The following CUL7 variants were observed in gnomAD, a reference collection of about 807,000 sequenced individuals.
CUL7 encodes cullin-7.
CUL7 carries 96 observed loss-of-function variants against 177.7 expected under a neutral mutation model. The ratio of observed to expected loss-of-function variants is 0.54; its 90% CI spans 0.46 to 0.64. CUL7 has a LOEUF of 0.64. CUL7 is among the 30% of genes least tolerant of loss of function. The pLI, the probability that CUL7 is intolerant of heterozygous loss-of-function variation, is 0.00. For synonymous variants in CUL7, 824 were observed against 890.2 expected (o/e 0.93, Z 1.32); for missense variants, 1,893 against 2,187.9 (o/e 0.87, Z 2.69).
chr6:43,043,207 G>C lies in CUL7; in HGVS notation c.3356-27C>G. Reference sequence around the variant, plus strand: ...TGTAGAGACCAAGAAAGTGGCAGAGGCAAGGAGGGTGCAGCCCCTCCACTC... The same window carrying C: ...TGTAGAGACCAAGAAAGTGGCAGAGCCAAGGAGGGTGCAGCCCCTCCACTC... On this transcript the variant is annotated intron_variant, in intron 17 of 25. Transcript: ENST00000265348. The surrounding 1 kb of genome is among the most constrained non-coding windows in gnomAD (Gnocchi z 4.2). The C allele has an allele frequency of 1.9e-6, 3 of 1,579,136 alleles. No homozygotes were observed. Among genetic ancestry groups the C allele is most frequent in the Non-Finnish European group, 2.6e-6 (3 of 1,149,754 alleles).
At position 43,049,543 on chromosome 6, in the gene CUL7, A is replaced by G. The variant is rs753550369; in HGVS notation, c.1689T>C (p.His563=). The G allele has an allele frequency of 3.3e-5, 54 of 1,614,090 alleles. No individual in the cohort carries two copies. The highest frequency in any genetic ancestry group is 4.3e-5 in the Non-Finnish European group (51 of 1,180,050). The change falls in exon 7 of 26, where the codon CAT becomes CAC. Residue 563 remains histidine (H), a synonymous_variant. Transcript: ENST00000265348. ...DSALRDLINC[H]VYKKYGPEAL... ...CTTCAGGCCCATACTTCTTGTAGAC[A>G]TGGCAGTTGATCAGGTCCCTGAGGG...
chr6:43,042,003 CAAAAAAAAAAA>C (rs201127168), intron 19 of CUL7, among the ~76,000 whole-genome samples: 1 of 53,562 alleles, frequency 1.9e-5, no homozygotes, highest in African/African-American at 5.4e-5. Context: ...GACTCCGTCT[CAAAAAAAAAAA>C]AAAAAAAAAG....
chr6:43,038,912 T>C lies in CUL7; in HGVS notation c.4370A>G (p.Gln1457Arg). 6.2e-7 allele frequency: 1 copy of C among 1,614,126 alleles called. No homozygotes were observed. The highest frequency in any genetic ancestry group is 8.5e-7 in the Non-Finnish European group (1 of 1,179,976). Reference protein sequence around the residue: ...QWTWLGWAELQFGNQTLHVST... With the variant: ...QWTWLGWAELRFGNQTLHVST... ...CACATGCAGGGTCTGGTTCCCAAACTGCAGCTCAGCCCAGCCCAGCCACGT... is the reference window on the plus strand; with the variant it reads ...CACATGCAGGGTCTGGTTCCCAAACCGCAGCTCAGCCCAGCCCAGCCACGT... Residue 1457 changes from glutamine to arginine, a missense_variant, in exon 23 of 26, where the codon CAG becomes CGG. Gln to Arg is a conservative substitution (Grantham distance 43, BLOSUM62 1). Coordinates refer to ENST00000265348, the MANE Select transcript of CUL7 (RefSeq NM_014780.5).
In CUL7 at chr6:43,048,185, C is replaced by A. The variant is rs1764079098; in HGVS notation, c.2132G>T (p.Cys711Phe). 14 of 1,613,012 alleles carry A rather than the reference C, an allele frequency of 8.7e-6. No homozygotes were observed. Among genetic ancestry groups the A allele is most frequent in the Non-Finnish European group, 1.2e-5 (14 of 1,179,004 alleles). The change falls in exon 9 of 26, where the codon TGC (cysteine) becomes TTC (phenylalanine). Residue 711 changes from cysteine (C) to phenylalanine (F), a missense_variant. Cys to Phe is a radical substitution (Grantham distance 205, BLOSUM62 -2). Around this residue, in one of 5 missense-constraint regions of CUL7, gnomAD observed 973 missense variants for 1,140.9 expected, o/e 0.85. Coordinates refer to ENST00000265348, the MANE Select transcript of CUL7 (RefSeq NM_014780.5). The part of the protein sequence containing the change: ...LLPWHEAVDA[C>F]MACLRSPNTD... ...GTTTGGGGACCGCAGGCAGGCCATGCAGGCATCCACGGCCTCGTGCCAGGG... is the reference window on the plus strand; with the variant it reads ...GTTTGGGGACCGCAGGCAGGCCATGAAGGCATCCACGGCCTCGTGCCAGGG...
rs539050848 is a variant in CUL7, at chr6:43,038,287, T to C, written c.4753A>G (p.Ile1585Val). 1 of 1,614,138 alleles carries C rather than the reference T, an allele frequency of 6.2e-7. No homozygotes were observed. The highest frequency in any genetic ancestry group is 8.5e-7 in the Non-Finnish European group (1 of 1,180,020). Residue 1585 changes from isoleucine to valine, a missense_variant, in exon 25 of 26, where the codon ATT becomes GTT. Transcript: ENST00000265348. Reference sequence around the variant, plus strand: ...CCTACCAGACAGACAAGCTGGTCAATGTGCAGCCCCTCATCTCCATGGGCC... The same window carrying C: ...CCTACCAGACAGACAAGCTGGTCAACGTGCAGCCCCTCATCTCCATGGGCC... ...LKAHGDEGLH[I>V]DQLVCLVLEA...
rs1402504360 is a variant in CUL7 at position 43,051,064 on chromosome 6, C to T, written c.1137G>A (p.Pro379=). The part of the protein sequence containing the change: ...YALYVRDTLQ[P]GMRVRMLDDY... ...CATCCAGCATCCGCACTCGCATCCC[C>T]GGCTGCAGTGTGTCCCGCACATACA... The change falls in exon 4 of 26, where the codon CCG becomes CCA. Residue 379 remains proline (P), a synonymous_variant. Transcript: ENST00000265348. The surrounding 1 kb of genome is among the most constrained non-coding windows in gnomAD (Gnocchi z 5.0). The T allele has an allele frequency of 8.1e-6, 13 of 1,614,032 alleles. No homozygotes were observed. Among genetic ancestry groups the T allele is most frequent in the Middle Eastern group, 1.6e-4 (1 of 6,084 alleles).
At chr6:43,039,980 T>A (rs553487685) in intron 22 of CUL7, among the ~76,000 whole-genome samples, 176 bp downstream of exon 22, 2 of 152,180 alleles carry the variant, frequency 1.3e-5, no homozygotes, top group Admixed American at 6.5e-5. Context: ...CCTCAAGTGA[T>A]CTGCCTGCCT....
Position 43,051,164 on chromosome 6 carries a change from T to C in CUL7, c.1037A>G (p.Gln346Arg). The change falls in exon 4 of 26, where the codon CAG becomes CGG. Residue 346 changes from glutamine (Q) to arginine (R), a missense_variant. This residue lies in a region of CUL7 where 653 missense variants were observed against 725.2 expected (regional missense o/e 0.90). Transcript: ENST00000265348. This position sits in a 1 kb window ranked among gnomAD's most constrained non-coding sequence, Gnocchi z 5.0. ...ADVSPGLPAA[Q>R]AQPSFRRSRR... ...TGACCTCCTGAAGGAGGGCTGAGCCTGGGCAGCGGGGAGCCCTGGGCTCAC... is the reference window on the plus strand; with the variant it reads ...TGACCTCCTGAAGGAGGGCTGAGCCCGGGCAGCGGGGAGCCCTGGGCTCAC... The C allele has an allele frequency of 6.2e-7, 1 of 1,614,210 alleles. No individual in the cohort carries two copies. Among genetic ancestry groups the C allele is most frequent in the East Asian group, 2.2e-5 (1 of 44,880 alleles).
intron 7 of CUL7, among the ~76,000 whole-genome samples, 197 bp from the exon 8 acceptor site, chr6:43,048,766 C>CT (rs61207524): frequency 1.6e-3 from 232 of 144,366 alleles, no homozygotes; most frequent in Middle Eastern, 3.6e-3. Context: ...ATTTTATATT[C>CT]TTTTTTTTTT....
At chr6:43,044,997 C>G (rs1763769082) in intron 15 of CUL7, 112 bp from the exon 16 acceptor site, 9 of 1,505,284 alleles carry the variant, frequency 6.0e-6, no homozygotes, top group Non-Finnish European at 6.3e-6. Context: ...CGAAGGCCCC[C>G]TGGTACTTCA....
chr6:43,042,142 G>A (rs935359918), intron 19 of CUL7, among the ~76,000 whole-genome samples: 19 of 151,774 alleles, frequency 1.3e-4, no homozygotes, highest in Admixed American at 2.0e-4. Flanking sequence ...AAGGAAGGCA[G>A]GAAGGGAGAA....
Position 43,051,148 on chromosome 6 carries a change from G to A in CUL7, c.1053C>T (p.Phe351=). 1.9e-6 allele frequency: 3 copies of A among 1,614,226 alleles called. No individual in the cohort carries two copies. The highest frequency in any genetic ancestry group is 2.5e-6 in the Non-Finnish European group (3 of 1,180,046). Residue 351 remains phenylalanine, a synonymous_variant, in exon 4 of 26, where the codon TTC becomes TTT. Transcript: ENST00000265348. The surrounding 1 kb of genome is among the most constrained non-coding windows in gnomAD (Gnocchi z 5.0). ...GLPAAQAQPS[F]RRSRRFRPRS... ...GAGGGCGAAAACGTCTTGACCTCCT[G>A]AAGGAGGGCTGAGCCTGGGCAGCGG...
At chr6:43,046,152 G>C (rs1470277116) in intron 12 of CUL7, 61 bp from the exon 13 acceptor site, 3 of 1,612,366 alleles carry the variant, frequency 1.9e-6, no homozygotes, top group Non-Finnish European at 2.5e-6. Flanking sequence ...CCAAGTCCAG[G>C]GGGTGGTGCT....
rs760379164 is a variant in CUL7 at position 43,051,328 on chromosome 6, T to G, written c.873A>C (p.Gln291His). Reference sequence around the variant, plus strand: ...TGGCCATACTGAACTCCAGCTCCAGTTGACCCCTCTCCCCACTCAACTCCT... The same window carrying G: ...TGGCCATACTGAACTCCAGCTCCAGGTGACCCCTCTCCCCACTCAACTCCT... ...APEELSGERGQLELEFSMAMG... is the reference protein window; with the variant it reads ...APEELSGERGHLELEFSMAMG... Residue 291 changes from glutamine to histidine, a missense_variant, in exon 4 of 26, where the codon CAA becomes CAC. This residue lies in a region of CUL7 where 653 missense variants were observed against 725.2 expected (regional missense o/e 0.90). Transcript: ENST00000265348. The surrounding 1 kb of genome is among the most constrained non-coding windows in gnomAD (Gnocchi z 5.0). The G allele has an allele frequency of 1.9e-6, 3 of 1,610,860 alleles. No individual in the cohort carries two copies. Among genetic ancestry groups the G allele is most frequent in the Non-Finnish European group, 2.5e-6 (3 of 1,177,730 alleles).
chr6:43,045,018 G>A lies in CUL7; in HGVS notation c.3039-133C>T. 7.1e-7 allele frequency: 1 copy of A among 1,398,682 alleles called. No individual in the cohort carries two copies. Among genetic ancestry groups the A allele is most frequent in the Non-Finnish European group, 9.8e-7 (1 of 1,019,442 alleles). 86.6% of individuals were successfully genotyped at this position (1,398,682 alleles called of 1,614,324 possible). A position where few individuals can be genotyped will look rare whatever the true frequency, so the allele number is the denominator to read the frequency against. On this transcript the variant is annotated intron_variant, in intron 15 of 25. Transcript: ENST00000265348. This position sits in a 1 kb window ranked among gnomAD's most constrained non-coding sequence, Gnocchi z 4.8. Reference sequence around the variant, plus strand: ...CCCCCTGGTACTTCAGAACTGCTCTGTGCTAACTGGTATATCCCATTCCCA... The same window carrying A: ...CCCCCTGGTACTTCAGAACTGCTCTATGCTAACTGGTATATCCCATTCCCA...
chr6:43,043,960 C>T lies in CUL7; in HGVS notation c.3173-330G>A, dbSNP rs1375578465. Among the ~76,000 whole-genome samples the T allele has an allele frequency of 2.0e-5, 3 of 152,106 alleles. No individual in the cohort carries two copies. In the South Asian group the frequency reaches 6.2e-4, roughly 32 times the overall value. ...TGGGAGGCTGAGGTGGGTGGATCAC[C>T]TGAGGTCGGGAGTTCGAGATCAGCC... On this transcript the variant is annotated intron_variant, in intron 16 of 25. Transcript: ENST00000265348. This position sits in a 1 kb window ranked among gnomAD's most constrained non-coding sequence, Gnocchi z 4.2.
In CUL7 at chr6:43,037,711, G is replaced by C; in HGVS notation, c.5074C>G (p.Gln1692Glu). 1 of 1,559,414 alleles carries C rather than the reference G, an allele frequency of 6.4e-7. No individual in the cohort carries two copies. The highest frequency in any genetic ancestry group is 8.7e-7 in the Non-Finnish European group (1 of 1,151,222). ...GVPYASCTAT[Q>E]SFSTFR The stretch of plus-strand genomic sequence containing the variant: ...GGCTACCGGAAGGTAGAGAAGCTCT[G>C]GGTGGCAGTGCAGGAGGCATAGGGC... Residue 1692 changes from glutamine (Q) to glutamate (E), a missense_variant, in exon 26 of 26, where the codon CAG becomes GAG. Physicochemically the swap from Gln to Glu is conservative, Grantham distance 29. Transcript: ENST00000265348.
rs1763302392 is a variant in CUL7 at position 43,040,363 on chromosome 6, CT to C, written c.4086del (p.Ala1363GlnfsTer46). 1 of 1,613,558 alleles carries C rather than the reference CT, an allele frequency of 6.2e-7. No individual in the cohort carries two copies. Among genetic ancestry groups the C allele is most frequent in the Non-Finnish European group, 8.5e-7 (1 of 1,180,030 alleles). On this transcript the variant is annotated frameshift_variant, in exon 22 of 26. Transcript: ENST00000265348. LOFTEE classifies it high-confidence loss of function. The surrounding 1 kb of genome is among the most constrained non-coding windows in gnomAD (Gnocchi z 4.2). ...KSEKEEEAGA[A>X]AVVDVAEGEE... ...TCTCCCTCCGCCACATCCACCACTG[CT>C]GCTGCCCCAGCTTCCTCTTCCTTCT...
Position 43,042,900 on chromosome 6 carries a change from T to C in CUL7, c.3547A>G (p.Ser1183Gly). The C allele has an allele frequency of 6.2e-7, 1 of 1,614,106 alleles. No individual in the cohort carries two copies. The highest frequency in any genetic ancestry group is 8.5e-7 in the Non-Finnish European group (1 of 1,180,004). ...GCCCGAGGCCCAAACAGTTCAGAGC[T>C]TGAGTTCTGCAGAATATTAAAGTGC... is the stretch of plus-strand genomic sequence containing the variant. ...CEHFNILQNSSSELFGPRAAF... is the reference protein window; with the variant it reads ...CEHFNILQNSGSELFGPRAAF... The change falls in exon 19 of 26, where the codon AGC becomes GGC. Residue 1183 changes from serine (S) to glycine (G), a missense_variant. This residue lies in a region of CUL7 where 973 missense variants were observed against 1,140.9 expected (regional missense o/e 0.85). Transcript: ENST00000265348.
Sources: allele counts gnomAD v4.1 joint callset (sites outside exome capture counted in the v4.1 genomes callset), GRCh38; gene constraint gnomAD v4.1.1; regional missense constraint gnomAD v4.1.1; non-coding constraint Gnocchi (gnomAD v3.1); transcripts MANE v1.5; gene names NCBI Gene and HGNC (gene_info 2026-07-23, HGNC 2026-07-21).